The following ALDH3A1 variants were observed in gnomAD, a reference collection of about 807,000 sequenced individuals.
ALDH3A1 encodes the protein aldehyde dehydrogenase 3 family member A1, also known as aldehyde dehydrogenase, dimeric NADP-preferring.
ALDH3A1 carries 46 observed loss-of-function variants against 49.9 expected under a neutral mutation model. The observed-to-expected ratio is 0.92, with a 90% CI of 0.73 to 1.18. ALDH3A1 has a LOEUF of 1.18. Among genes scored for constraint, ALDH3A1 ranks in the 50% most tolerant of loss-of-function variants. The probability of loss-of-function intolerance (pLI) is 0.00; values close to 1 mark genes in which losing one functional copy is unlikely to be tolerated. For synonymous variants in ALDH3A1, 269 were observed against 253.3 expected (o/e 1.06, Z -0.59); for missense variants, 592 against 611.8 (o/e 0.97, Z 0.34).
chr17:19,741,023 G>C, intron 6 of ALDH3A1, 70 bp downstream of exon 6: 1 of 1,135,336 alleles, frequency 8.8e-7, no homozygotes, highest in Non-Finnish European at 1.3e-6. Context: ...TGTAGAAGTT[G>C]GTTAAGGGGC....
chr17:19,740,216 C>A (rs2086464500), intron 7 of ALDH3A1, 120 bp downstream of exon 7: 1 of 1,403,148 alleles, frequency 7.1e-7, no homozygotes, highest in Admixed American at 2.0e-5. Flanking sequence ...CTGGTGAAAG[C>A]AATTTATACC....
chr17:19,739,645 G>C lies in ALDH3A1; in HGVS notation c.979C>G (p.Gln327Glu), dbSNP rs756530717. The change falls in exon 8 of 11, where the codon CAG becomes GAG. Residue 327 changes from glutamine to glutamate, a missense_variant. Physicochemically the swap from Gln to Glu is conservative, Grantham distance 29. Coordinates refer to ENST00000225740, the MANE Select transcript of ALDH3A1 (RefSeq NM_000691.5). The part of the protein sequence containing the change: ...APTILTDVDP[Q>E]SPVMQEEIFG... Reference sequence around the variant, plus strand: ...ATCTCCTCTTGCATCACCGGGGACTGGGGGTCCACGTCCGTGAGGATGGTG... The same window carrying C: ...ATCTCCTCTTGCATCACCGGGGACTCGGGGTCCACGTCCGTGAGGATGGTG... The C allele has an allele frequency of 3.1e-6, 5 of 1,613,736 alleles. No individual in the cohort carries two copies. In the Admixed American group the frequency reaches 8.3e-5, roughly 27 times the overall value.
chr17:19,741,295 G>T, intron 5 of ALDH3A1, 85 bp from the exon 6 acceptor site: 1 of 1,215,058 alleles, frequency 8.2e-7, no homozygotes, highest in Non-Finnish European at 1.2e-6. Flanking sequence ...TCTCTGGTCA[G>T]CAGAAGCCAT....
At chr17:19,746,703 G>T (rs906577579) in intron 1 of ALDH3A1, among the ~76,000 whole-genome samples, 3 of 150,920 alleles carry the variant, frequency 2.0e-5, no homozygotes, top group African/African-American at 7.3e-5. Context: ...GTGCGTGCGT[G>T]TGTGTGCATG....
At chr17:19,742,919 T>G in intron 3 of ALDH3A1, 1 of 1,523,158 alleles carries the variant, frequency 6.6e-7, no homozygotes, top group Non-Finnish European at 8.8e-7. Context: ...GGGGGCCCGG[T>G]TGGTAGAACA....
intron 8 of ALDH3A1, 36 bp from the exon 9 acceptor site, chr17:19,739,131 G>A (rs533298718): frequency 6.3e-7 from 1 of 1,586,500 alleles, no homozygotes; most frequent in African/African-American, 1.3e-5. Context: ...TCAGTCTCCT[G>A]CCCACAGGAT....
At chr17:19,744,901 G>GGGCC in intron 2 of ALDH3A1, 67 bp downstream of exon 2, 2 of 434,630 alleles carry the variant, frequency 4.6e-6, no homozygotes, top group Non-Finnish European at 3.2e-6. Flanking sequence ...ACTCTCCCCA[G>GGGCC]CCCCTCCCCC....
chr17:19,746,599 C>T (rs1377627417), intron 1 of ALDH3A1, among the ~76,000 whole-genome samples: 1 of 151,420 alleles, frequency 6.6e-6, no homozygotes, highest in Non-Finnish European at 1.5e-5. Context: ...AACAGATGTA[C>T]CAGGCGTGTG....
At chr17:19,741,482 C>T in intron 5 of ALDH3A1, 1 of 406,672 alleles carries the variant, frequency 2.5e-6, no homozygotes, top group Admixed American at 3.7e-5. Flanking sequence ...CCTGCACAGC[C>T]AGGTGTCACT....
chr17:19,744,548 G>A, intron 2 of ALDH3A1: 1 of 985,474 alleles, frequency 1.0e-6, no homozygotes, highest in South Asian at 4.7e-5. Context: ...GTCTTGCTCA[G>A]GGTGAGGGAC....
chr17:19,743,278 G>C lies in ALDH3A1; in HGVS notation c.348C>G (p.Tyr116Ter). The C allele has an allele frequency of 6.2e-7, 1 of 1,614,116 alleles. No individual in the cohort carries two copies. The highest frequency in any genetic ancestry group is 8.5e-7 in the Non-Finnish European group (1 of 1,180,026). ...TGGGCTGGATGGTGAGGTTGAAGGG[G>C]TAGTTCCAGGTGCCAATGACGAGGA... The part of the protein sequence containing the change: ...GVVLVIGTWN[Y>*]PFNLTIQPMV... The change falls in exon 3 of 11, where the codon TAC (tyrosine) becomes TAG (stop). Residue 116 changes from tyrosine to a stop codon, truncating the protein, a stop_gained. Transcript: ENST00000225740. LOFTEE classifies it high-confidence loss of function. The surrounding 1 kb of genome is among the most constrained non-coding windows in gnomAD (Gnocchi z 4.4).
intron 5 of ALDH3A1, 152 bp downstream of exon 5, chr17:19,741,852 C>G: frequency 7.7e-6 from 6 of 776,670 alleles, no homozygotes; most frequent in Non-Finnish European, 1.2e-5. Flanking sequence ...GGTCCCCACC[C>G]CTACCCCCAT....
intron 8 of ALDH3A1, 129 bp downstream of exon 8, chr17:19,739,379 G>A (rs1159116418): frequency 1.7e-6 from 2 of 1,151,568 alleles, no homozygotes; most frequent in East Asian, 5.1e-5. Context: ...CAGACGAGGT[G>A]AAAGGAGCTC....
chr17:19,743,505 C>A lies in ALDH3A1; in HGVS notation c.163-42G>T. ...GGAGTGAGCTTCCAGGGCCAGGGCC[C>A]GCCTGCAGCTGGGGCGAGTGGGGAG... On this transcript the variant is annotated intron_variant, in intron 2 of 10. Transcript: ENST00000225740. The surrounding 1 kb of genome is among the most constrained non-coding windows in gnomAD (Gnocchi z 4.4). The A allele has an allele frequency of 6.5e-7, 1 of 1,548,772 alleles. No homozygotes were observed. Among genetic ancestry groups the A allele is most frequent in the South Asian group, 1.2e-5 (1 of 80,374 alleles).
chr17:19,743,338 G>C lies in ALDH3A1; in HGVS notation c.288C>G (p.Asp96Glu). 1 of 1,614,154 alleles carries C rather than the reference G, an allele frequency of 6.2e-7. No homozygotes were observed. Among genetic ancestry groups the C allele is most frequent in the Non-Finnish European group, 8.5e-7 (1 of 1,180,026 alleles). The change falls in exon 3 of 11, where the codon GAC becomes GAG. Residue 96 changes from aspartate to glutamate, a missense_variant. Asp to Glu is a conservative substitution (Grantham distance 45). Coordinates refer to ENST00000225740, the MANE Select transcript of ALDH3A1 (RefSeq NM_000691.5). The surrounding 1 kb of genome is among the most constrained non-coding windows in gnomAD (Gnocchi z 4.4). ...GTGGCTCCGAGTGGATGTAGAGCTC[G>C]TCCTGCTGAGTCTGGGGCGTCTTCT... is the stretch of plus-strand genomic sequence containing the variant. Reference protein sequence around the residue: ...PVEKTPQTQQDELYIHSEPLG... With the variant: ...PVEKTPQTQQEELYIHSEPLG...
At chr17:19,742,996 AG>A (rs2086528584) in intron 3 of ALDH3A1, 1 of 1,530,010 alleles carries the variant, frequency 6.5e-7, no homozygotes, top group Non-Finnish European at 8.7e-7. Flanking sequence ...GCCCCCCAAC[AG>A]GGGTGGGGGA....
At chr17:19,741,025 T>C (rs1020619508) in intron 6 of ALDH3A1, 68 bp downstream of exon 6, 6 of 1,203,158 alleles carry the variant, frequency 5.0e-6, no homozygotes, top group Admixed American at 1.8e-5. Flanking sequence ...TAGAAGTTGG[T>C]TAAGGGGCCA....
intron 1 of ALDH3A1, among the ~76,000 whole-genome samples, chr17:19,747,304 G>C (rs1567657884): frequency 1.3e-5 from 2 of 152,088 alleles, no homozygotes; most frequent in Non-Finnish European, 2.9e-5. Context: ...GGTGCTCTAA[G>C]CCTGGCCCTT....
chr17:19,741,144 A>G lies in ALDH3A1; in HGVS notation c.756T>C (p.Cys252=). The change falls in exon 6 of 11, where the codon TGT becomes TGC. Residue 252 remains cysteine (C), a synonymous_variant. Transcript: ENST00000225740. Reference sequence around the variant, plus strand: ...CAATTTGGTTCTGGATCGAGGGGTCACAGAGGATGTAGTCAGGGGCCACGC... The same window carrying G: ...CAATTTGGTTCTGGATCGAGGGGTCGCAGAGGATGTAGTCAGGGGCCACGC... ...QTCVAPDYIL[C]DPSIQNQIVE... 2 of 1,614,154 alleles carry G rather than the reference A, an allele frequency of 1.2e-6. No individual in the cohort carries two copies. Among genetic ancestry groups the G allele is most frequent in the Non-Finnish European group, 1.7e-6 (2 of 1,180,008 alleles).
Sources: allele counts gnomAD v4.1 joint callset (sites outside exome capture counted in the v4.1 genomes callset), GRCh38; gene constraint gnomAD v4.1.1; non-coding constraint Gnocchi (gnomAD v3.1); transcripts MANE v1.5; gene names NCBI Gene and HGNC (gene_info 2026-07-23, HGNC 2026-07-21).